The following ITPR1 variants were observed in gnomAD, a reference collection of about 807,000 sequenced individuals.
ITPR1 encodes inositol 1,4,5-trisphosphate-gated calcium channel ITPR1.
Under a neutral mutation model 318.4 loss-of-function variants are expected in ITPR1, and 96 were observed. The observed-to-expected ratio is 0.30, with a 90% confidence interval of 0.26 to 0.36. The LOEUF is 0.36. ITPR1 is among the 10% of genes least tolerant of loss of function. ITPR1 has a pLI of 1.00. For synonymous variants in ITPR1, 1,312 were observed against 1,289.9 expected (o/e 1.02, Z -0.37); for missense variants, 2,440 against 3,460.2 (o/e 0.71, Z 7.40).
chr3:4,552,207 C>T (rs977646009), intron 4 of ITPR1, among the ~76,000 whole-genome samples: 1 of 152,204 alleles, frequency 6.6e-6, no homozygotes, highest in African/African-American at 2.4e-5. Context: ...AGCAAGCAAT[C>T]AATTCTGCAG....
intron 2 of ITPR1, among the ~76,000 whole-genome samples, chr3:4,514,592 C>A (rs896785677): frequency 1.3e-5 from 2 of 152,162 alleles, no homozygotes; most frequent in African/African-American, 2.4e-5. Context: ...GAAAGGAGAG[C>A]CTTAGTCACA....
At chr3:4,741,968 A>T (rs931811698) in intron 44 of ITPR1, among the ~76,000 whole-genome samples, 2 of 152,182 alleles carry the variant, frequency 1.3e-5, no homozygotes, top group African/African-American at 4.8e-5. Flanking sequence ...GGGGTTCGAG[A>T]GCTGTTGGCA....
intron 4 of ITPR1, among the ~76,000 whole-genome samples, chr3:4,601,280 A>G (rs2091260576): frequency 7.0e-6 from 1 of 142,934 alleles, no homozygotes; most frequent in Non-Finnish European, 1.5e-5. Context: ...GTACTTTGGG[A>G]GGCCAAGGTG....
At chr3:4,685,443 A>G (rs1283092035) in intron 30 of ITPR1, among the ~76,000 whole-genome samples, 1 of 152,256 alleles carries the variant, frequency 6.6e-6, no homozygotes, top group Non-Finnish European at 1.5e-5. Flanking sequence ...GAGTCCATTT[A>G]TTCTCCATAC....
At position 4,813,151 on chromosome 3, in the gene ITPR1, A is replaced by G. The variant is rs985441885; in HGVS notation, c.7478A>G (p.Glu2493Gly). Residue 2493 changes from glutamate to glycine, a missense_variant, in exon 57 of 62, where the codon GAG (glutamate) becomes GGG (glycine). Physicochemically the swap from Glu to Gly is moderately conservative, Grantham distance 98. Transcript: ENST00000649015. ...PNETAVPETG[E>G]SLASEFLFSD... is the part of the protein sequence containing the mutation. Reference sequence around the variant, plus strand: ...TCCTTCTCTCTCCCAGAAACCGGCGAGAGTTTGGCAAGCGAGTTCCTGTTC... The same window carrying G: ...TCCTTCTCTCTCCCAGAAACCGGCGGGAGTTTGGCAAGCGAGTTCCTGTTC... The G allele has an allele frequency of 6.2e-7, 1 of 1,613,968 alleles. No individual in the cohort carries two copies. The highest frequency in any genetic ancestry group is 8.5e-7 in the Non-Finnish European group (1 of 1,179,862).
chr3:4,639,749 C>G (rs2093293807), intron 6 of ITPR1, among the ~76,000 whole-genome samples: 1 of 151,946 alleles, frequency 6.6e-6, no homozygotes, highest in Admixed American at 6.6e-5. Context: ...GAAAAGGAAC[C>G]TGGCTGTGGC....
intron 4 of ITPR1, among the ~76,000 whole-genome samples, chr3:4,578,422 G>A (rs2088922139): frequency 6.6e-6 from 1 of 152,110 alleles, no homozygotes; most frequent in Non-Finnish European, 1.5e-5. Context: ...CAAATGAGGA[G>A]TTGTGTGTCT....
chr3:4,734,075 C>G (rs751305723), intron 43 of ITPR1, among the ~76,000 whole-genome samples: 2 of 152,188 alleles, frequency 1.3e-5, no homozygotes, highest in Non-Finnish European at 1.5e-5. Context: ...AAGGAGGAAG[C>G]CTGGACTTCT....
At chr3:4,633,286 C>T (rs940120642) in intron 5 of ITPR1, among the ~76,000 whole-genome samples, 2 of 152,140 alleles carry the variant, frequency 1.3e-5, no homozygotes, top group African/African-American at 2.4e-5. Flanking sequence ...TTCCTACTTT[C>T]CTACTTAGCT....
intron 4 of ITPR1, among the ~76,000 whole-genome samples, chr3:4,580,196 C>T (rs868526423): frequency 6.6e-6 from 1 of 152,050 alleles, no homozygotes; most frequent in African/African-American, 2.4e-5. Context: ...GGCAACAGAG[C>T]CAGACTCCGT....
In ITPR1 at chr3:4,681,327, C is replaced by A. The variant is rs1231747712; in HGVS notation, c.3107-37C>A. The A allele has an allele frequency of 5.3e-6, 8 of 1,510,822 alleles. No individual in the cohort carries two copies. The Middle Eastern group carries it at 5.1e-4, about 96-fold the overall frequency. The allele number at this position is 1,510,822 out of a possible 1,614,324, so 93.6% of individuals were successfully genotyped here. ...GTTCACCAGCAGCATGTTTGCAGAC[C>A]TTCCTGCATCTGAAGTGGTATGTTC... On this transcript the variant is annotated intron_variant, in intron 25 of 61. Transcript: ENST00000649015.
chr3:4,521,950 C>T (rs1431310098), intron 4 of ITPR1, among the ~76,000 whole-genome samples: 1 of 152,198 alleles, frequency 6.6e-6, no homozygotes, highest in Non-Finnish European at 1.5e-5. Context: ...TTCTTTAGGC[C>T]TCCTGAATTT....
chr3:4,508,669 G>A (rs1312922221), intron 2 of ITPR1, among the ~76,000 whole-genome samples: 6 of 152,030 alleles, frequency 3.9e-5, no homozygotes, highest in African/African-American at 1.5e-4. Flanking sequence ...TTTTTAGTGA[G>A]GTTGTGCTTT....
Position 4,768,651 on chromosome 3 carries a change from G to A in ITPR1, c.5866G>A (p.Ala1956Thr), listed in dbSNP as rs747253055. 2 of 1,614,012 alleles carry A rather than the reference G, an allele frequency of 1.2e-6. No homozygotes were observed. The highest frequency in any genetic ancestry group is 3.3e-5 in the Admixed American group (2 of 60,030). Reference sequence around the variant, plus strand: ...CTACCAGCCTGGAGAGGGCACCCAGGCCACTGCCGACAAGGCCAAGGACGA... The same window carrying A: ...CTACCAGCCTGGAGAGGGCACCCAGACCACTGCCGACAAGGCCAAGGACGA... ...DHYQPGEGTQ[A>T]TADKAKDDLE... Residue 1956 changes from alanine to threonine, a missense_variant, in exon 46 of 62, where the codon GCC (alanine) becomes ACC (threonine). Ala to Thr is a moderately conservative substitution (Grantham distance 58). This residue lies in a region of ITPR1 where 113 missense variants were observed against 103.6 expected (regional missense o/e 1.09). Coordinates refer to ENST00000649015, the MANE Select transcript of ITPR1 (RefSeq NM_001378452.1).
intron 4 of ITPR1, among the ~76,000 whole-genome samples, chr3:4,582,350 C>T (rs761171684): frequency 1.3e-5 from 2 of 152,138 alleles, no homozygotes; most frequent in Non-Finnish European, 2.9e-5. Context: ...TGTCCTCCCC[C>T]ACCCCCGCCA....
intron 4 of ITPR1, among the ~76,000 whole-genome samples, chr3:4,530,720 G>A (rs936020355): frequency 3.9e-5 from 6 of 152,094 alleles, no homozygotes; most frequent in East Asian, 1.9e-4. Context: ...GGTTGAGGCC[G>A]CAGTGAGCCA....
intron 4 of ITPR1, among the ~76,000 whole-genome samples, chr3:4,571,365 G>A (rs938119415): frequency 3.3e-5 from 5 of 151,622 alleles, no homozygotes; most frequent in Admixed American, 6.6e-5. Context: ...TCTTTGGAAA[G>A]GGTCTTGCTC....
intron 4 of ITPR1, among the ~76,000 whole-genome samples, chr3:4,604,081 A>G (rs1395768243): frequency 2.0e-5 from 3 of 152,122 alleles, no homozygotes; most frequent in Admixed American, 1.3e-4. Flanking sequence ...TTCTTCAGTG[A>G]TTAGTGATGT....
chr3:4,613,658 G>C (rs952219180), intron 4 of ITPR1, among the ~76,000 whole-genome samples: 1 of 152,038 alleles, frequency 6.6e-6, no homozygotes, highest in Non-Finnish European at 1.5e-5. Context: ...ACAAAACAAA[G>C]CATGTTTTTC....
Sources: gnomAD v4.1 joint callset for allele counts (sites outside exome capture counted in the v4.1 genomes callset) on GRCh38, gnomAD v4.1.1 for gene constraint, gnomAD v4.1.1 regional missense constraint, MANE v1.5 for transcripts, NCBI Gene and HGNC (gene_info 2026-07-23, HGNC 2026-07-21) for gene names.